The following NFATC2 variants were observed in gnomAD, a reference collection of about 807,000 sequenced individuals.
NFATC2 encodes the protein nuclear factor of activated T cells 2, also known as nuclear factor of activated T-cells, cytoplasmic 2.
NFATC2 carries 22 observed loss-of-function variants against 87.3 expected under a neutral mutation model. The ratio of observed to expected loss-of-function variants is 0.25; its 90% CI spans 0.18 to 0.36. The LOEUF (loss-of-function observed/expected upper bound fraction) is 0.36. Among genes scored for constraint, NFATC2 ranks in the 10% least tolerant of loss-of-function variants. The pLI, the probability that NFATC2 is intolerant of heterozygous loss-of-function variation, is 1.00. For synonymous variants in NFATC2, 565 were observed against 542.2 expected, an observed-to-expected ratio of 1.04 and a Z score of -0.58; for missense variants, 1,149 against 1,259.1, an observed-to-expected ratio of 0.91 and a Z score of 1.32.
At chr20:51,440,236 CAAAAAA>C (rs34071345) in intron 6 of NFATC2, among the ~76,000 whole-genome samples, 30 of 97,194 alleles carry the variant, frequency 3.1e-4, no homozygotes, top group East Asian at 3.1e-4. Flanking sequence ...AACTCCATCT[CAAAAAA>C]AAAAAAAAAA....
chr20:51,518,633 C>A (rs1281391072), intron 2 of NFATC2, among the ~76,000 whole-genome samples: 1 of 152,050 alleles, frequency 6.6e-6, no homozygotes, highest in Non-Finnish European at 1.5e-5. Context: ...AATAATCACT[C>A]ACATCTAACC....
intron 3 of NFATC2, among the ~76,000 whole-genome samples, chr20:51,498,560 G>A (rs2076027792): frequency 6.6e-6 from 1 of 152,210 alleles, no homozygotes; most frequent in Non-Finnish European, 1.5e-5. Flanking sequence ...CACTTTGGGA[G>A]GCCGAGGCAG....
At chr20:51,427,804 C>A (rs1044809357) in intron 9 of NFATC2, among the ~76,000 whole-genome samples, 4 of 152,196 alleles carry the variant, frequency 2.6e-5, no homozygotes, top group Non-Finnish European at 5.9e-5. Context: ...GCCAACCTCA[C>A]CCCCAAACCA....
chr20:51,490,936 C>T (rs1445522001), intron 3 of NFATC2, among the ~76,000 whole-genome samples: 1 of 152,128 alleles, frequency 6.6e-6, no homozygotes. Context: ...GTTTGGGGAG[C>T]CCCAAGATGG....
chr20:51,414,491 C>T (rs1485428423), intron 9 of NFATC2, among the ~76,000 whole-genome samples: 5 of 151,786 alleles, frequency 3.3e-5, no homozygotes, highest in Non-Finnish European at 5.9e-5. Context: ...GAGTTCGAGA[C>T]CAGCCTGGCC....
chr20:51,554,476 A>G (rs2076960970), intron 1 of NFATC2, among the ~76,000 whole-genome samples: 2 of 152,190 alleles, frequency 1.3e-5, no homozygotes, highest in Admixed American at 6.5e-5. Flanking sequence ...ATTTGTCCCT[A>G]CAGGAACTCC....
chr20:51,451,196 G>A (rs1266385057), intron 6 of NFATC2, among the ~76,000 whole-genome samples: 1 of 152,216 alleles, frequency 6.6e-6, no homozygotes, highest in Non-Finnish European at 1.5e-5. Context: ...TTGCAGGACA[G>A]CTCGGGGGAG....
intron 1 of NFATC2, among the ~76,000 whole-genome samples, chr20:51,551,588 T>C (rs1292123661): frequency 2.0e-5 from 3 of 150,866 alleles, no homozygotes; most frequent in Non-Finnish European, 1.5e-5. Flanking sequence ...TTTTTTTTTT[T>C]CTGGAGAGAC....
At chr20:51,452,604 C>T (rs1018401538) in intron 6 of NFATC2, among the ~76,000 whole-genome samples, 6 of 152,194 alleles carry the variant, frequency 3.9e-5, no homozygotes, top group South Asian at 2.1e-4. Context: ...TGAGACTCAA[C>T]GCTTCCACTT....
At position 51,506,502 on chromosome 20, in the gene NFATC2, C is replaced by A. The variant is rs2076183333; in HGVS notation, c.1332+10282G>T. Among the ~76,000 whole-genome samples the A allele has an allele frequency of 2.0e-5, 3 of 150,806 alleles. No homozygotes were observed. In the South Asian group the frequency reaches 6.4e-4, roughly 32 times the overall value. On this transcript the variant is annotated intron_variant, in intron 3 of 10. Transcript: ENST00000371564. The stretch of plus-strand genomic sequence containing the variant: ...CCTCCCCGTGTTCCTCCCCACCCAC[C>A]CAGCCCCACCTCCCCACATGCTCCA...
At chr20:51,421,367 G>A (rs1273195975) in intron 9 of NFATC2, among the ~76,000 whole-genome samples, 2 of 152,236 alleles carry the variant, frequency 1.3e-5, no homozygotes, top group African/African-American at 2.4e-5. Context: ...CCGGCCGGAT[G>A]CAGGTCCTGG....
intron 1 of NFATC2, among the ~76,000 whole-genome samples, chr20:51,553,249 G>A (rs1485295946): frequency 1.3e-5 from 2 of 152,136 alleles, no homozygotes; most frequent in Non-Finnish European, 2.9e-5. Context: ...CTGTGAGCTT[G>A]AGCGCCTGGG....
chr20:51,531,331 A>G (rs963751486), intron 1 of NFATC2, among the ~76,000 whole-genome samples: 2 of 152,224 alleles, frequency 1.3e-5, no homozygotes, highest in African/African-American at 4.8e-5. Flanking sequence ...TCTCACTCTC[A>G]GCCCTGGCAG....
chr20:51,490,757 C>A (rs1019952151), intron 3 of NFATC2, among the ~76,000 whole-genome samples: 3 of 151,920 alleles, frequency 2.0e-5, no homozygotes, highest in Admixed American at 6.6e-5. Context: ...GAGTTTGAGA[C>A]CAGCTTGGGT....
chr20:51,459,806 G>A (rs1290518219), intron 5 of NFATC2, among the ~76,000 whole-genome samples: 1 of 152,096 alleles, frequency 6.6e-6, no homozygotes, highest in Non-Finnish European at 1.5e-5. Flanking sequence ...TTGAACCCAG[G>A]AGGCGGATGT....
intron 9 of NFATC2, among the ~76,000 whole-genome samples, chr20:51,424,524 C>T (rs1010022367): frequency 5.9e-5 from 9 of 152,144 alleles, no homozygotes; most frequent in African/African-American, 1.7e-4. Flanking sequence ...CCCAGAGAGT[C>T]GGGCACCATT....
chr20:51,542,457 C>T lies in NFATC2; in HGVS notation c.43G>A (p.Ala15Thr). 6.4e-7 allele frequency: 1 copy of T among 1,570,514 alleles called. No individual in the cohort carries two copies. Among genetic ancestry groups the T allele is most frequent in the Non-Finnish European group, 8.6e-7 (1 of 1,162,530 alleles). ...CTGCCCCCAGGCTCGTGGCCTGGGG[C>T]GTCCCCGCCGTCGGGTTGGGGCTGC... The part of the protein sequence containing the change: ...ERQPQPDGGD[A>T]PGHEPGGSPQ... The change falls in exon 1 of 11, where the codon GCC becomes ACC. Residue 15 changes from alanine (A) to threonine (T), a missense_variant. Ala to Thr is a moderately conservative substitution (Grantham distance 58). Transcript: ENST00000371564.
At chr20:51,397,375 C>T (rs1433891890) in intron 10 of NFATC2, among the ~76,000 whole-genome samples, 1 of 152,156 alleles carries the variant, frequency 6.6e-6, no homozygotes, top group African/African-American at 2.4e-5. Flanking sequence ...GACTGTAGCC[C>T]AGAGCTGTGG....
chr20:51,415,975 A>G (rs1446733233), intron 9 of NFATC2, among the ~76,000 whole-genome samples: 1 of 152,148 alleles, frequency 6.6e-6, no homozygotes, highest in Non-Finnish European at 1.5e-5. Flanking sequence ...AATCCCAGAG[A>G]TAGCTGCCAG....
Sources: allele counts gnomAD v4.1 joint callset (sites outside exome capture counted in the v4.1 genomes callset), GRCh38; gene constraint gnomAD v4.1.1; transcripts MANE v1.5; gene names NCBI Gene and HGNC (gene_info 2026-07-23, HGNC 2026-07-21).